Variants in NKAIN3 observed in about 807,000 individuals in gnomAD.
NKAIN3 encodes the protein sodium/potassium transporting ATPase interacting 3.
NKAIN3 carries 25 observed loss-of-function variants against 30.2 expected under a neutral mutation model. That is an observed-to-expected ratio of 0.83 (90% CI 0.60 to 1.16). The LOEUF (loss-of-function observed/expected upper bound fraction) is 1.16, where lower values mean the gene tolerates loss of function less well. NKAIN3 is among the 50% of genes most tolerant of loss of function. The pLI is 0.00. For missense variants in NKAIN3, 225 were observed against 254.1 expected (o/e 0.89, Z 0.78); for synonymous variants, 91 against 89.6 (o/e 1.02, Z -0.09).
chr8:62,811,276 G>A (rs199684170), intron 4 of NKAIN3, among the ~76,000 whole-genome samples: 6 of 152,114 alleles, frequency 3.9e-5, no homozygotes, highest in African/African-American at 1.4e-4. Flanking sequence ...CCTGTGAAAG[G>A]ACATCTATGT....
chr8:62,919,599 AT>A (rs1432905681), intron 5 of NKAIN3, among the ~76,000 whole-genome samples: 5 of 152,206 alleles, frequency 3.3e-5, no homozygotes, highest in East Asian at 1.9e-4. Context: ...CAAAAAATAA[AT>A]TATTTTAGAT....
chr8:62,444,542 A>G (rs1388816353), intron 1 of NKAIN3, among the ~76,000 whole-genome samples: 5 of 152,166 alleles, frequency 3.3e-5, no homozygotes, highest in Admixed American at 6.5e-5. Context: ...GCTAAAAATG[A>G]TAGGATTTCA....
chr8:62,324,132 T>C (rs949039991), intron 1 of NKAIN3, among the ~76,000 whole-genome samples: 1 of 151,994 alleles, frequency 6.6e-6, no homozygotes, highest in South Asian at 2.1e-4. Context: ...AATGTATCAA[T>C]ATAGACTCAA....
chr8:62,605,176 T>C (rs1811087176), intron 3 of NKAIN3, among the ~76,000 whole-genome samples: 3 of 152,074 alleles, frequency 2.0e-5, no homozygotes, highest in South Asian at 2.1e-4. Context: ...AGAAGTCTCA[T>C]GTAGGTCTTA....
intron 1 of NKAIN3, among the ~76,000 whole-genome samples, chr8:62,397,301 A>C (rs1009427399): frequency 3.0e-4 from 45 of 151,658 alleles, no homozygotes; most frequent in African/African-American, 1.0e-3. Context: ...TCTAAAATTC[A>C]CCTTTTTTTT....
At chr8:62,417,156 T>C (rs900317738) in intron 1 of NKAIN3, among the ~76,000 whole-genome samples, 7 of 152,108 alleles carry the variant, frequency 4.6e-5, no homozygotes, top group African/African-American at 1.7e-4. Flanking sequence ...ACCATCGTTC[T>C]GCTCTCTATC....
intron 3 of NKAIN3, among the ~76,000 whole-genome samples, chr8:62,643,495 GCTTTGATCCTGCC>G (rs1812369736): frequency 1.3e-5 from 2 of 152,206 alleles, no homozygotes; most frequent in Middle Eastern, 3.4e-3. Flanking sequence ...CAAGAGTCAA[GCTTTGATCCTGCC>G]CTCTGATCAT....
In NKAIN3 at chr8:62,581,775, C is replaced by T. The variant is rs538691777; in HGVS notation, c.192+2099C>T. Reference sequence around the variant, plus strand: ...TCCCTTCTTTCCTTCCTTCCTCCCTCCCTCCCTCCCTTTCTCCCACCTATC... The same window carrying T: ...TCCCTTCTTTCCTTCCTTCCTCCCTTCCTCCCTCCCTTTCTCCCACCTATC... On this transcript the variant is annotated intron_variant, in intron 2 of 6. Coordinates refer to ENST00000623646, the MANE Select transcript of NKAIN3 (RefSeq NM_001304533.3). Among the ~76,000 whole-genome samples the T allele has an allele frequency of 1.1e-4, 14 of 132,592 alleles. No homozygotes were observed. In the East Asian group the frequency reaches 3.7e-3, roughly 35 times the overall value. The allele number at this position is 132,592 out of a possible 152,430, so 87.0% of individuals were successfully genotyped here.
intron 1 of NKAIN3, among the ~76,000 whole-genome samples, chr8:62,402,120 C>T (rs143241076): frequency 2.0e-5 from 3 of 152,280 alleles, no homozygotes; most frequent in East Asian, 3.9e-4. Context: ...GTTCAGCTGA[C>T]ACCAAGGCAA....
At chr8:62,697,196 G>T (rs1563520770) in intron 3 of NKAIN3, among the ~76,000 whole-genome samples, 1 of 152,116 alleles carries the variant, frequency 6.6e-6, no homozygotes, top group Non-Finnish European at 1.5e-5. Flanking sequence ...CTTTTCAACA[G>T]CCAACAGAGC....
At chr8:62,288,756 C>T (rs1292186612) in intron 1 of NKAIN3, among the ~76,000 whole-genome samples, 2 of 152,128 alleles carry the variant, frequency 1.3e-5, no homozygotes, top group Non-Finnish European at 2.9e-5. Context: ...GGTATATGCC[C>T]AGTAATAGGA....
At chr8:62,533,811 A>G (rs959796742) in intron 1 of NKAIN3, among the ~76,000 whole-genome samples, 1 of 152,220 alleles carries the variant, frequency 6.6e-6, no homozygotes, top group African/African-American at 2.4e-5. Context: ...CCCTGAGTAA[A>G]TATTAGTAGA....
At chr8:62,746,208 T>C (rs1055757329) in intron 3 of NKAIN3, among the ~76,000 whole-genome samples, 11 of 152,188 alleles carry the variant, frequency 7.2e-5, no homozygotes, top group African/African-American at 2.7e-4. Context: ...GGCTGCCACA[T>C]CCCAGTCTCT....
chr8:62,590,508 AT>A (rs1343514829), intron 3 of NKAIN3, among the ~76,000 whole-genome samples: 1 of 151,848 alleles, frequency 6.6e-6, no homozygotes, highest in African/African-American at 2.4e-5. Context: ...AACCAGCACA[AT>A]TTTCACTATA....
At chr8:62,694,221 C>T (rs1291265707) in intron 3 of NKAIN3, among the ~76,000 whole-genome samples, 1 of 152,094 alleles carries the variant, frequency 6.6e-6, no homozygotes, top group African/African-American at 2.4e-5. Context: ...ACCAAATTCT[C>T]CTCATTCATT....
chr8:62,626,062 G>C (rs2130247801), intron 3 of NKAIN3, among the ~76,000 whole-genome samples: 1 of 152,176 alleles, frequency 6.6e-6, no homozygotes, highest in Non-Finnish European at 1.5e-5. Flanking sequence ...GAAGAGGCTA[G>C]TGTTTGAGTT....
chr8:62,256,521 G>T (rs939151981), intron 1 of NKAIN3, among the ~76,000 whole-genome samples: 2 of 152,188 alleles, frequency 1.3e-5, no homozygotes, highest in African/African-American at 4.8e-5. Flanking sequence ...ATCCTAACAG[G>T]CTCTTCAAGG....
At chr8:62,315,296 T>C (rs960909948) in intron 1 of NKAIN3, among the ~76,000 whole-genome samples, 1 of 152,202 alleles carries the variant, frequency 6.6e-6, no homozygotes. Context: ...AGTGTAAACA[T>C]AATGCCCTGT....
At chr8:62,589,876 TGTGTGTGTGTGTG>T (rs1362520651) in intron 3 of NKAIN3, 82 bp downstream of exon 3, 2 of 32,786 alleles carry the variant, frequency 6.1e-5, no homozygotes, top group African/African-American at 1.0e-3. Flanking sequence ...ATAGGTATAT[TGTGTGTGTGTGTG>T]TGTGTGTGTG....
Sources: gnomAD v4.1 joint callset for allele counts (sites outside exome capture counted in the v4.1 genomes callset) on GRCh38, gnomAD v4.1.1 for gene constraint, MANE v1.5 for transcripts, NCBI Gene and HGNC (gene_info 2026-07-23, HGNC 2026-07-21) for gene names.